MCCC2: variants seen among roughly 807,000 people sequenced by gnomAD.
MCCC2 encodes the protein methylcrotonoyl-CoA carboxylase beta chain, mitochondrial.
In MCCC2, 52 loss-of-function variants were observed where a neutral mutation model predicts 77.2. The ratio of observed to expected loss-of-function variants is 0.67; its 90% CI spans 0.54 to 0.85. The LOEUF (loss-of-function observed/expected upper bound fraction) is 0.85. Ranked by LOEUF, MCCC2 falls within the 40% of genes least tolerant of loss-of-function variation. MCCC2 has a pLI of 0.00. For missense variants in MCCC2, 682 were observed against 703.2 expected (o/e 0.97, Z 0.34); for synonymous variants, 253 against 248.4 (o/e 1.02, Z -0.18).
intron 10 of MCCC2, among the ~76,000 whole-genome samples, chr5:71,638,293 A>T (rs1456415021): frequency 2.0e-5 from 3 of 152,208 alleles, no homozygotes; most frequent in African/African-American, 7.2e-5. Flanking sequence ...GACTTCATCC[A>T]TTGAAATCTT....
At chr5:71,605,337 G>A (rs1466364274) in intron 6 of MCCC2, among the ~76,000 whole-genome samples, 3 of 151,434 alleles carry the variant, frequency 2.0e-5, no homozygotes, top group African/African-American at 7.2e-5. Flanking sequence ...GGCCAGTGAT[G>A]ACGAGCATTT....
In MCCC2 at chr5:71,624,278, C is replaced by T. The variant is rs575606613; in HGVS notation, c.625-2362C>T. Among the ~76,000 whole-genome samples, 6 of 152,326 alleles carry T rather than the reference C, an allele frequency of 3.9e-5. No homozygotes were observed. In the South Asian group the frequency reaches 1.0e-3, roughly 26 times the overall value. ...GGAGCAGGGCTTCAGCAGATGAGTT[C>T]GGAGGAGACACAAACATTCAGTCTG... On this transcript the variant is annotated intron_variant, in intron 6 of 16. Coordinates refer to ENST00000340941, the MANE Select transcript of MCCC2 (RefSeq NM_022132.5).
At chr5:71,632,082 ATGGACCGATTTCAC>A (rs767245767) in intron 7 of MCCC2, 25 bp from the exon 8 acceptor site, 2 of 1,593,162 alleles carry the variant, frequency 1.3e-6, no homozygotes, top group Non-Finnish European at 1.7e-6. Context: ...TATATGTCTG[ATGGACCGATTTCAC>A]TGATGATTTT....
At chr5:71,643,738 T>C in intron 11 of MCCC2, 81 bp from the exon 12 acceptor site, 1 of 1,612,522 alleles carries the variant, frequency 6.2e-7, no homozygotes, top group Non-Finnish European at 8.5e-7. Flanking sequence ...TATTAAAGAA[T>C]GTGTAAATAT....
chr5:71,592,777 C>A (rs1049371585), intron 1 of MCCC2, 149 bp from the exon 2 acceptor site: 3 of 686,666 alleles, frequency 4.4e-6, no homozygotes, highest in Non-Finnish European at 7.9e-6. Flanking sequence ...AGTGGCCCAG[C>A]GTGGCTGCCA....
In MCCC2 at chr5:71,620,489, A is replaced by G. The variant is rs750176956; in HGVS notation, c.625-6151A>G. On this transcript the variant is annotated intron_variant, in intron 6 of 16. Transcript: ENST00000340941. ...ATTTCTATGAATTGGATAGTATTCT[A>G]CAATTTTGCAGGGAGGAACTGAGGT... 3.9e-5 allele frequency among the ~76,000 whole-genome samples: 6 copies of G among 152,332 alleles called. 1 individual carries two copies. The highest frequency in any genetic ancestry group is 2.0e-4 in the Admixed American group (3 of 15,302).
chr5:71,616,666 G>C (rs78778498), intron 6 of MCCC2, among the ~76,000 whole-genome samples: 2,338 of 152,130 alleles, frequency 0.015, 53 homozygotes, highest in African/African-American at 0.054. Context: ...GCACTACCTT[G>C]CTCTTTCCCT....
Position 71,635,276 on chromosome 5 carries a change from G to T in MCCC2, c.999+30G>T. ...GTGAAAGTGGAACTGTGAGCTTTAT[G>T]ACCAGCTGTGAGTCTCTTTGTATGT... On this transcript the variant is annotated intron_variant, in intron 10 of 16. Transcript: ENST00000340941. 3 of 1,580,710 alleles carry T rather than the reference G, an allele frequency of 1.9e-6. No homozygotes were observed. The South Asian group carries it at 3.3e-5, about 18-fold the overall frequency.
intron 6 of MCCC2, 68 bp downstream of exon 6, chr5:71,604,536 T>A: frequency 8.5e-7 from 1 of 1,176,482 alleles, no homozygotes; most frequent in Non-Finnish European, 1.3e-6. Context: ...AATTAGGTAC[T>A]CTGGGATGGC....
chr5:71,649,330 A>G, intron 14 of MCCC2, 77 bp downstream of exon 14: 2 of 1,363,578 alleles, frequency 1.5e-6, no homozygotes, highest in East Asian at 2.3e-5. Flanking sequence ...TTTCAGGTGT[A>G]TTTGAAATAT....
At chr5:71,613,369 G>A (rs1360923545) in intron 6 of MCCC2, among the ~76,000 whole-genome samples, 1 of 152,176 alleles carries the variant, frequency 6.6e-6, no homozygotes, top group African/African-American at 2.4e-5. Context: ...TTTAAAATCA[G>A]ATCTTTTAAA....
chr5:71,626,639 G>C lies in MCCC2; in HGVS notation c.625-1G>C. ...GTGTTTGTCGTGTGCTTGGATTCCA[G>C]ATCGCAGTGGTCATGGGCTCCTGCA... On this transcript the variant is annotated splice_acceptor_variant, in intron 6 of 16. Coordinates refer to ENST00000340941, the MANE Select transcript of MCCC2 (RefSeq NM_022132.5). LOFTEE classifies it high-confidence loss of function. The C allele has an allele frequency of 6.2e-7, 1 of 1,612,984 alleles. No homozygotes were observed. The highest frequency in any genetic ancestry group is 8.5e-7 in the Non-Finnish European group (1 of 1,179,008).
At chr5:71,590,689 C>T (rs537331849) in intron 1 of MCCC2, among the ~76,000 whole-genome samples, 18 of 152,186 alleles carry the variant, frequency 1.2e-4, no homozygotes, top group Middle Eastern at 3.4e-3. Context: ...TGGTGGCGCA[C>T]GCCTGTAATC....
intron 7 of MCCC2, among the ~76,000 whole-genome samples, chr5:71,629,865 T>G (rs1200761668): frequency 6.6e-6 from 1 of 152,176 alleles, no homozygotes. Context: ...AGGTACAAAC[T>G]TTCATGGGCC....
chr5:71,635,483 CA>C (rs34598366), intron 10 of MCCC2: 1 of 564,016 alleles, frequency 1.8e-6, no homozygotes, highest in Non-Finnish European at 3.3e-6. Flanking sequence ...TTTCATTGCG[CA>C]AAAAGTGTGA....
At position 71,591,205 on chromosome 5, in the gene MCCC2, T is replaced by C. The variant is rs552476977; in HGVS notation, c.130-1721T>C. ...TGTCAAACAGAAGGAACTAAATAAC[T>C]AGAGATGCTAATCACATGGGGAGCA... On this transcript the variant is annotated intron_variant, in intron 1 of 16. Transcript: ENST00000340941. Among the ~76,000 whole-genome samples the C allele has an allele frequency of 4.6e-5, 7 of 152,284 alleles. No homozygotes were observed. In the Middle Eastern group the frequency reaches 0.01, roughly 222 times the overall value.
chr5:71,644,033 ATGTGTGTGTGTGTG>A, intron 12 of MCCC2, 138 bp downstream of exon 12: 1 of 557,150 alleles, frequency 1.8e-6, no homozygotes, highest in Non-Finnish European at 3.1e-6. Context: ...GTGCGCGGGC[ATGTGTGTGTGTGTG>A]TGTGTGTGTG....
At position 71,612,094 on chromosome 5, in the gene MCCC2, G is replaced by A. The variant is rs183880674; in HGVS notation, c.624+7626G>A. 1.6e-3 allele frequency among the ~76,000 whole-genome samples: 241 copies of A among 151,970 alleles called. 1 individual carries two copies. The highest frequency in any genetic ancestry group is 5.4e-3 in the African/African-American group (222 of 41,432). ...GCTGGGATAACAGGCATGAGCCACC[G>A]CGCCTGGTCAAATACTTTATTCCTT... is the stretch of plus-strand genomic sequence containing the variant. On this transcript the variant is annotated intron_variant, in intron 6 of 16. Transcript: ENST00000340941.
chr5:71,637,320 A>G (rs1343503386), intron 10 of MCCC2, among the ~76,000 whole-genome samples: 2 of 152,228 alleles, frequency 1.3e-5, no homozygotes, highest in Non-Finnish European at 2.9e-5. Flanking sequence ...TCAGTTCCAG[A>G]TCACTGCAAT....
Sources: gnomAD v4.1 joint callset for allele counts (sites outside exome capture counted in the v4.1 genomes callset) on GRCh38, gnomAD v4.1.1 for gene constraint, MANE v1.5 for transcripts, NCBI Gene and HGNC (gene_info 2026-07-23, HGNC 2026-07-21) for gene names.